ARHGAP21: variants seen among roughly 807,000 people sequenced by gnomAD.
The protein encoded by ARHGAP21 is rho GTPase-activating protein 21.
ARHGAP21 carries 38 observed loss-of-function variants against 164.6 expected under a neutral mutation model. That is an observed-to-expected ratio of 0.23 (90% CI 0.18 to 0.30). ARHGAP21 has a LOEUF of 0.30. ARHGAP21 is among the 10% of genes least tolerant of loss of function. The pLI, the probability that ARHGAP21 is intolerant of heterozygous loss-of-function variation, is 1.00. For synonymous variants in ARHGAP21, 766 were observed against 857.9 expected, an observed-to-expected ratio of 0.89 and a Z score of 1.87; for missense variants, 1,822 against 2,370.7, an observed-to-expected ratio of 0.77 and a Z score of 4.81.
chr10:24,671,890 T>A (rs1232230615), intron 2 of ARHGAP21, among the ~76,000 whole-genome samples: 2 of 132,474 alleles, frequency 1.5e-5, no homozygotes, highest in African/African-American at 5.6e-5. Flanking sequence ...GCTAATTTTT[T>A]TTTTTTTTTT....
chr10:24,656,233 C>T (rs1379694251), intron 4 of ARHGAP21, among the ~76,000 whole-genome samples: 8 of 135,672 alleles, frequency 5.9e-5, no homozygotes, highest in East Asian at 2.3e-4. Context: ...TCCCCCCGCC[C>T]GGCCAGCCGC....
At chr10:24,699,648 G>A (rs905004496) in intron 2 of ARHGAP21, among the ~76,000 whole-genome samples, 1 of 151,970 alleles carries the variant, frequency 6.6e-6, no homozygotes, top group Non-Finnish European at 1.5e-5. Flanking sequence ...TTTAAAAGCT[G>A]ATGACTAGAA....
chr10:24,619,390 G>T, intron 9 of ARHGAP21, 83 bp downstream of exon 9: 1 of 1,314,962 alleles, frequency 7.6e-7, no homozygotes, highest in Non-Finnish European at 1.1e-6. Flanking sequence ...AGACTTCTAT[G>T]CCTATTGAAC....
At chr10:24,611,512 T>TGGCCA (rs1011241724) in intron 9 of ARHGAP21, among the ~76,000 whole-genome samples, 5 of 152,134 alleles carry the variant, frequency 3.3e-5, no homozygotes, top group African/African-American at 1.2e-4. Context: ...GAGACCAGCC[T>TGGCCA]GGCCAACATG....
At chr10:24,666,192 G>A (rs1440914239) in intron 4 of ARHGAP21, among the ~76,000 whole-genome samples, 1 of 151,978 alleles carries the variant, frequency 6.6e-6, no homozygotes, top group African/African-American at 2.4e-5. Context: ...ACCACACCCG[G>A]CTAATATTTT....
chr10:24,588,053 TAGATTAAAGAAGTCTAA>T (rs2076179226), intron 25 of ARHGAP21, among the ~76,000 whole-genome samples: 1 of 152,196 alleles, frequency 6.6e-6, no homozygotes. Flanking sequence ...GAAACTGTTC[TAGATTAAAGAAGTCTAA>T]AGAGATTTGA....
chr10:24,597,194 G>A (rs940190620), intron 16 of ARHGAP21, among the ~76,000 whole-genome samples: 1 of 151,892 alleles, frequency 6.6e-6, no homozygotes, highest in Non-Finnish European at 1.5e-5. Context: ...TGAATCCTCG[G>A]AGTCATTTAA....
intron 4 of ARHGAP21, among the ~76,000 whole-genome samples, chr10:24,660,386 T>TAAAA (rs56053080): frequency 0.25 from 14,931 of 59,756 alleles, 2,977 homozygotes; most frequent in Non-Finnish European, 0.28. Flanking sequence ...CTCTCTCTCT[T>TAAAA]AAAAAAAAAA....
intron 4 of ARHGAP21, among the ~76,000 whole-genome samples, chr10:24,651,616 C>T (rs1178272609): frequency 6.6e-6 from 1 of 152,172 alleles, no homozygotes; most frequent in Non-Finnish European, 1.5e-5. Context: ...ATATAAAAAG[C>T]ATCACACACT....
intron 4 of ARHGAP21, among the ~76,000 whole-genome samples, chr10:24,653,790 T>G (rs996097683): frequency 2.0e-5 from 3 of 152,140 alleles, no homozygotes; most frequent in African/African-American, 7.2e-5. Context: ...CTTTTGTGCT[T>G]GATTTCTTCC....
intron 11 of ARHGAP21, among the ~76,000 whole-genome samples, chr10:24,607,289 G>A (rs1213230847): frequency 2.6e-5 from 4 of 152,204 alleles, no homozygotes; most frequent in South Asian, 2.1e-4. Flanking sequence ...TTTCTAGGAT[G>A]AGAGTATTTA....
At chr10:24,612,453 A>G (rs374508880) in intron 9 of ARHGAP21, among the ~76,000 whole-genome samples, 3 of 152,210 alleles carry the variant, frequency 2.0e-5, no homozygotes, top group Admixed American at 1.3e-4. Flanking sequence ...TTCTGTTCCA[A>G]CTCCTACCAG....
intron 8 of ARHGAP21, among the ~76,000 whole-genome samples, chr10:24,622,438 AT>A (rs1346774803): frequency 0.14 from 754 of 5,444 alleles, 18 homozygotes; most frequent in African/African-American, 0.39. Context: ...AAAAACATAT[AT>A]ATATATATAT....
chr10:24,688,228 T>C (rs1015228884), intron 2 of ARHGAP21, among the ~76,000 whole-genome samples: 12 of 152,202 alleles, frequency 7.9e-5, no homozygotes, highest in African/African-American at 2.9e-4. Flanking sequence ...CCATCTCTAC[T>C]AAAAATACAA....
intron 2 of ARHGAP21, among the ~76,000 whole-genome samples, chr10:24,672,377 G>C (rs1430888117): frequency 6.6e-6 from 1 of 152,044 alleles, no homozygotes; most frequent in African/African-American, 2.4e-5. Flanking sequence ...TTTGTCTCAG[G>C]CTCCTTTGTT....
chr10:24,704,465 A>ATTT (rs55947040), intron 2 of ARHGAP21, among the ~76,000 whole-genome samples: 1 of 142,786 alleles, frequency 7.0e-6, no homozygotes, highest in African/African-American at 2.6e-5. Context: ...TTATTTTTCT[A>ATTT]TTTTTTTTTT....
At chr10:24,617,332 T>C (rs937906586) in intron 9 of ARHGAP21, among the ~76,000 whole-genome samples, 16 of 151,890 alleles carry the variant, frequency 1.1e-4, no homozygotes, top group Admixed American at 6.6e-4. Context: ...GTTGTTATTA[T>C]GTAGGAAGAA....
intron 2 of ARHGAP21, among the ~76,000 whole-genome samples, chr10:24,697,202 G>A (rs1330485885): frequency 6.6e-6 from 1 of 152,090 alleles, no homozygotes; most frequent in African/African-American, 2.4e-5. Context: ...TAAGCCAAGG[G>A]AAACCATCCA....
intron 8 of ARHGAP21, among the ~76,000 whole-genome samples, chr10:24,622,457 T>C (rs1182602543): frequency 1.5e-5 from 1 of 67,006 alleles, no homozygotes; most frequent in Non-Finnish European, 3.4e-5. Flanking sequence ...TATATATATA[T>C]ATATATATAT....
Sources: allele counts gnomAD v4.1 joint callset (sites outside exome capture counted in the v4.1 genomes callset), GRCh38; gene constraint gnomAD v4.1.1; transcripts MANE v1.5; gene names NCBI Gene and HGNC (gene_info 2026-07-23, HGNC 2026-07-21).